Variants in PLCL1 observed in about 807,000 individuals in gnomAD.
The protein encoded by PLCL1 is inactive phospholipase C-like protein 1.
A neutral mutation model predicts 84.4 loss-of-function variants in PLCL1; 41 were observed. That is an observed-to-expected ratio of 0.49 (90% CI 0.38 to 0.63). The LOEUF (loss-of-function observed/expected upper bound fraction) is 0.63, where lower values mean the gene tolerates loss of function less well. Ranked by LOEUF, PLCL1 falls within the 30% of genes least tolerant of loss-of-function variation. PLCL1 has a pLI of 0.00. For missense variants in PLCL1, 1,206 were observed against 1,367.8 expected, an observed-to-expected ratio of 0.88 and a Z score of 1.87; for synonymous variants, 490 against 488.3, an observed-to-expected ratio of 1.00 and a Z score of -0.05.
rs143593966 is a variant in PLCL1 at position 197,991,904 on chromosome 2, C to T, written c.241-91854C>T. Reference sequence around the variant, plus strand: ...CTGTGGGGCCTGGAAATCTCTCCCTCACCGGAGATCGCTCATCTGTGCTTG... The same window carrying T: ...CTGTGGGGCCTGGAAATCTCTCCCTTACCGGAGATCGCTCATCTGTGCTTG... On this transcript the variant is annotated intron_variant, in intron 1 of 5. Coordinates refer to ENST00000428675, the MANE Select transcript of PLCL1 (RefSeq NM_006226.4). 6.1e-4 allele frequency among the ~76,000 whole-genome samples: 93 copies of T among 152,302 alleles called. 3 individuals carry two copies. The South Asian group carries it at 0.013, about 22-fold the overall frequency.
intron 1 of PLCL1, among the ~76,000 whole-genome samples, chr2:198,008,368 CCTT>C (rs1002979992): frequency 3.9e-5 from 6 of 152,046 alleles, no homozygotes; most frequent in Admixed American, 6.6e-5. Flanking sequence ...CCCCATTTCT[CCTT>C]CTCCTCAGAC....
At chr2:198,041,019 G>A (rs760476494) in intron 1 of PLCL1, among the ~76,000 whole-genome samples, 29 of 152,160 alleles carry the variant, frequency 1.9e-4, no homozygotes, top group Non-Finnish European at 2.6e-4. Flanking sequence ...TGCATAAGTT[G>A]CTCCCAGTTT....
intron 1 of PLCL1, among the ~76,000 whole-genome samples, chr2:197,851,081 A>G (rs992787793): frequency 6.6e-6 from 1 of 152,236 alleles, no homozygotes; most frequent in Non-Finnish European, 1.5e-5. Flanking sequence ...CCTTTGAGTT[A>G]GTCATCACTG....
chr2:198,074,286 A>G (rs942577334), intron 1 of PLCL1, among the ~76,000 whole-genome samples: 5 of 152,212 alleles, frequency 3.3e-5, no homozygotes, highest in Non-Finnish European at 5.9e-5. Flanking sequence ...TTAAGCTGGT[A>G]TAACTGTAAA....
intron 1 of PLCL1, among the ~76,000 whole-genome samples, chr2:197,960,192 A>G (rs1048676531): frequency 1.3e-5 from 2 of 152,056 alleles, no homozygotes; most frequent in African/African-American, 4.8e-5. Flanking sequence ...ATAGGAGGTG[A>G]TAGAAATTGT....
intron 1 of PLCL1, among the ~76,000 whole-genome samples, chr2:198,018,041 T>C (rs2105836639): frequency 6.6e-6 from 1 of 152,234 alleles, no homozygotes; most frequent in Middle Eastern, 3.4e-3. Flanking sequence ...CCGGTTCATC[T>C]CACTGGGATT....
At chr2:197,948,848 G>C (rs879520629) in intron 1 of PLCL1, among the ~76,000 whole-genome samples, 1 of 152,136 alleles carries the variant, frequency 6.6e-6, no homozygotes, top group Non-Finnish European at 1.5e-5. Context: ...TGGTATAAAC[G>C]GTGTTGTGTT....
chr2:198,073,164 A>G (rs1483362841), intron 1 of PLCL1, among the ~76,000 whole-genome samples: 2 of 152,288 alleles, frequency 1.3e-5, no homozygotes, highest in African/African-American at 4.8e-5. Context: ...TCAGTACGAT[A>G]TTTATGGACT....
chr2:197,836,345 G>A (rs1263320490), intron 1 of PLCL1, among the ~76,000 whole-genome samples: 1 of 149,920 alleles, frequency 6.7e-6, no homozygotes, highest in Non-Finnish European at 1.5e-5. Context: ...TACTTGGGAG[G>A]CTGAGGCAGG....
rs547565485 is a variant in PLCL1 at position 197,966,757 on chromosome 2, GAATAGTTGTTC to G, written c.241-116997_241-116987del. On this transcript the variant is annotated intron_variant, in intron 1 of 5. Coordinates refer to ENST00000428675, the MANE Select transcript of PLCL1 (RefSeq NM_006226.4). ...CTTATGATGGTGCTTTTTTTTCTGT[GAATAGTTGTTC>G]AATTTGGTGTTCCTTCAGGGAGGAT... Among the ~76,000 whole-genome samples, 100 of 151,762 alleles carry G rather than the reference GAATAGTTGTTC, an allele frequency of 6.6e-4. 1 individual carries two copies. The highest frequency in any genetic ancestry group is 2.4e-3 in the African/African-American group (99 of 41,382).
chr2:198,063,975 C>T (rs924087647), intron 1 of PLCL1, among the ~76,000 whole-genome samples: 3 of 152,210 alleles, frequency 2.0e-5, no homozygotes, highest in South Asian at 4.2e-4. Context: ...TCTTAGGGCC[C>T]GTTCTGTTGC....
At chr2:198,104,402 T>C (rs1224298802) in intron 5 of PLCL1, among the ~76,000 whole-genome samples, 1 of 152,064 alleles carries the variant, frequency 6.6e-6, no homozygotes, top group Non-Finnish European at 1.5e-5. Context: ...TAGTATTCTG[T>C]GGTGTATATG....
chr2:197,820,350 A>G (rs1690791915), intron 1 of PLCL1, among the ~76,000 whole-genome samples: 1 of 152,100 alleles, frequency 6.6e-6, no homozygotes, highest in Admixed American at 6.6e-5. Context: ...TTCTAGAGTC[A>G]TTTATTGTGT....
chr2:198,091,632 A>G (rs1693038790), intron 3 of PLCL1, among the ~76,000 whole-genome samples: 1 of 151,846 alleles, frequency 6.6e-6, no homozygotes, highest in African/African-American at 2.4e-5. Context: ...GTGAGCCGAG[A>G]CTGCGCCATC....
At chr2:197,846,784 C>T (rs534402338) in intron 1 of PLCL1, among the ~76,000 whole-genome samples, 9 of 152,034 alleles carry the variant, frequency 5.9e-5, no homozygotes, top group East Asian at 1.9e-4. Context: ...GCAACGAAGT[C>T]GCACAAATAT....
chr2:197,997,984 T>C (rs1690506385), intron 1 of PLCL1, among the ~76,000 whole-genome samples: 1 of 152,178 alleles, frequency 6.6e-6, no homozygotes, highest in Non-Finnish European at 1.5e-5. Context: ...TTATAGCCTT[T>C]ATGGTAAAGG....
At chr2:197,842,552 A>C (rs1687027063) in intron 1 of PLCL1, among the ~76,000 whole-genome samples, 1 of 152,136 alleles carries the variant, frequency 6.6e-6, no homozygotes, top group South Asian at 2.1e-4. Flanking sequence ...AAAATTGAGA[A>C]CTTTGAATCT....
intron 1 of PLCL1, among the ~76,000 whole-genome samples, chr2:197,897,138 CT>C: frequency 3.3e-5 from 1 of 29,878 alleles, no homozygotes; most frequent in South Asian, 1.3e-3. Context: ...TCTTCTTCTT[CT>C]TCTTCTTCTT....
chr2:197,919,126 T>A (rs1444545448), intron 1 of PLCL1, among the ~76,000 whole-genome samples: 1 of 152,308 alleles, frequency 6.6e-6, no homozygotes, highest in East Asian at 1.9e-4. Context: ...GATATATTTA[T>A]AGATCAAAAA....
Sources: gnomAD v4.1 joint callset for allele counts (sites outside exome capture counted in the v4.1 genomes callset) on GRCh38, gnomAD v4.1.1 for gene constraint, MANE v1.5 for transcripts, NCBI Gene and HGNC (gene_info 2026-07-23, HGNC 2026-07-21) for gene names.